PEAK1: variants seen among roughly 807,000 people sequenced by gnomAD.
PEAK1 encodes the protein inactive tyrosine-protein kinase PEAK1.
Under a neutral mutation model 124.7 loss-of-function variants are expected in PEAK1, and 54 were observed. The ratio of observed to expected loss-of-function variants is 0.43; its 90% CI spans 0.35 to 0.54. The LOEUF (loss-of-function observed/expected upper bound fraction) is 0.54. Ranked by LOEUF, PEAK1 falls within the 20% of genes least tolerant of loss-of-function variation. The pLI is 0.01. For synonymous variants in PEAK1, 719 were observed against 760.0 expected (o/e 0.95, Z 0.89); for missense variants, 2,046 against 2,134.5 (o/e 0.96, Z 0.82).
chr15:77,400,943 T>C (rs1192737928), intron 1 of PEAK1, among the ~76,000 whole-genome samples: 2 of 152,204 alleles, frequency 1.3e-5, no homozygotes, highest in Non-Finnish European at 2.9e-5. Flanking sequence ...ATGAGATAAA[T>C]AATCAAGATT....
chr15:77,389,992 C>T (rs1275336444), intron 1 of PEAK1, among the ~76,000 whole-genome samples: 1 of 152,172 alleles, frequency 6.6e-6, no homozygotes, highest in Admixed American at 6.5e-5. Flanking sequence ...TTACATGCCA[C>T]GTACTATGTT....
intron 2 of PEAK1, among the ~76,000 whole-genome samples, chr15:77,289,238 A>C (rs1252634042): frequency 6.6e-6 from 1 of 152,206 alleles, no homozygotes; most frequent in Non-Finnish European, 1.5e-5. Flanking sequence ...TATAGGTTTA[A>C]GAAGGTATCC....
At chr15:77,385,840 G>A (rs1205423859) in intron 1 of PEAK1, among the ~76,000 whole-genome samples, 1 of 152,170 alleles carries the variant, frequency 6.6e-6, no homozygotes, top group Non-Finnish European at 1.5e-5. Flanking sequence ...CTAGTTAAAA[G>A]CATTGGGAAT....
chr15:77,175,034 A>G (rs1027925622), intron 7 of PEAK1, among the ~76,000 whole-genome samples: 5 of 151,484 alleles, frequency 3.3e-5, no homozygotes, highest in African/African-American at 1.2e-4. Context: ...GGTGCTGGGA[A>G]AACTGGCTAG....
chr15:77,114,872 G>C lies in PEAK1; in HGVS notation c.4525C>G (p.Pro1509Ala), dbSNP rs775706060. ...AGATCGCAGTGAGTGACATGGTAGG[G>C]TTTGAGGTGCTCAAGACCAGAGCAT... ...QLCSGLEHLK[P>A]YHVTHCDLRL... is the part of the protein sequence containing the mutation. The change falls in exon 10 of 10, where the codon CCC becomes GCC. Residue 1509 changes from proline (P) to alanine (A), a missense_variant. By Grantham distance (27) the Pro-to-Ala change is conservative. Coordinates refer to ENST00000682557, the MANE Select transcript of PEAK1 (RefSeq NM_001385026.1). The C allele has an allele frequency of 1.2e-6, 2 of 1,613,760 alleles. No individual in the cohort carries two copies. Among genetic ancestry groups the C allele is most frequent in the Admixed American group, 1.7e-5 (1 of 60,014 alleles).
chr15:77,370,477 C>T (rs1162229454), intron 1 of PEAK1, among the ~76,000 whole-genome samples: 5 of 152,136 alleles, frequency 3.3e-5, no homozygotes, highest in African/African-American at 4.8e-5. Context: ...GAAAAAGGGA[C>T]GTTCCAGGCA....
chr15:77,350,106 T>C (rs2067117188), intron 2 of PEAK1: 4 of 985,258 alleles, frequency 4.1e-6, no homozygotes, highest in South Asian at 4.7e-5. Flanking sequence ...TACCCCCAAA[T>C]AGGTCTCTGT....
At chr15:77,368,614 A>C (rs1347639496) in intron 1 of PEAK1, among the ~76,000 whole-genome samples, 1 of 152,218 alleles carries the variant, frequency 6.6e-6, no homozygotes, top group Non-Finnish European at 1.5e-5. Context: ...AAACATAGAA[A>C]GCAATAAGTA....
chr15:77,184,205 A>G (rs760592483), intron 6 of PEAK1, among the ~76,000 whole-genome samples: 5 of 151,864 alleles, frequency 3.3e-5, no homozygotes, highest in Non-Finnish European at 5.9e-5. Flanking sequence ...ATTGTAGTAA[A>G]TAAAATTTAT....
chr15:77,178,112 G>A (rs1297322533), intron 7 of PEAK1: 1 of 152,028 alleles, frequency 6.6e-6, no homozygotes, highest in Non-Finnish European at 1.5e-5. Context: ...TAGTTATTAA[G>A]GTATTCAAGA....
intron 2 of PEAK1, chr15:77,346,592 C>T: frequency 3.0e-6 from 3 of 985,306 alleles, no homozygotes; most frequent in Non-Finnish European, 3.6e-6. Context: ...AGGTTTTTCC[C>T]TTCTTCTAAA....
chr15:77,313,421 G>GCAACCTAA (rs1326696085), intron 2 of PEAK1, among the ~76,000 whole-genome samples: 3 of 152,044 alleles, frequency 2.0e-5, no homozygotes, highest in Non-Finnish European at 4.4e-5. Context: ...TCTAGGAAGT[G>GCAACCTAA]CAACCTAACA....
chr15:77,199,897 C>T (rs564422150), intron 6 of PEAK1, among the ~76,000 whole-genome samples: 11 of 152,308 alleles, frequency 7.2e-5, no homozygotes, highest in African/African-American at 2.6e-4. Context: ...CTATTGACTT[C>T]TTTTACAACA....
At chr15:77,226,012 A>G (rs1406856753) in intron 6 of PEAK1, among the ~76,000 whole-genome samples, 1 of 123,940 alleles carries the variant, frequency 8.1e-6, no homozygotes, top group Non-Finnish European at 1.7e-5. Flanking sequence ...TTTCTTTTTA[A>G]TTCTGTCAGT....
intron 6 of PEAK1, among the ~76,000 whole-genome samples, chr15:77,223,886 A>AC (rs758306435): frequency 8.2e-6 from 1 of 121,608 alleles, no homozygotes; most frequent in Non-Finnish European, 1.7e-5. Context: ...CATTTGAGAG[A>AC]TTTTTTTTTT....
intron 7 of PEAK1, among the ~76,000 whole-genome samples, chr15:77,164,926 G>A (rs1441267733): frequency 4.0e-5 from 6 of 150,326 alleles, no homozygotes; most frequent in Admixed American, 6.6e-5. Flanking sequence ...TTTTTGAGAC[G>A]GAGTCTCGCT....
rs2051207776 is a variant in PEAK1, at chr15:77,114,794, C to G, written c.4603G>C (p.Gly1535Arg). The G allele has an allele frequency of 6.2e-7, 1 of 1,613,074 alleles. No homozygotes were observed. The highest frequency in any genetic ancestry group is 1.1e-5 in the South Asian group (1 of 91,064). Residue 1535 changes from glycine (G) to arginine (R), a missense_variant, in exon 10 of 10, where the codon GGC becomes CGC. Transcript: ENST00000682557. ...GGGCTGGGCTCTGCAGGCCCAAAGC[C>G]TTGGGCAGTCCCCCCAGGCTGGTAG... ...VHYQPGGTAQ[G>R]FGPAEPSPTS...
intron 6 of PEAK1, among the ~76,000 whole-genome samples, chr15:77,209,128 T>C (rs1365148547): frequency 2.6e-5 from 4 of 152,130 alleles, no homozygotes; most frequent in East Asian, 1.9e-4. Flanking sequence ...ACAAAGAAAA[T>C]TGAAACCAGA....
In PEAK1 at chr15:77,223,519, T is replaced by TTG. The variant is rs560622869; in HGVS notation, c.-115+28846_-115+28847dup. Among the ~76,000 whole-genome samples the TTG allele has an allele frequency of 4.3e-4, 66 of 152,122 alleles. 1 individual carries two copies. In the East Asian group the frequency reaches 0.011, roughly 25 times the overall value. Reference sequence around the variant, plus strand: ...CTGGATATTACCCCACAAAACACATTTGTGTGTGTGTCGACAGTAGTCTCT... The same window carrying TTG: ...CTGGATATTACCCCACAAAACACATTTGTGTGTGTGTGTCGACAGTAGTCTCT... On this transcript the variant is annotated intron_variant, in intron 6 of 9. Coordinates refer to ENST00000682557, the MANE Select transcript of PEAK1 (RefSeq NM_001385026.1).
Sources: allele counts gnomAD v4.1 joint callset (sites outside exome capture counted in the v4.1 genomes callset), GRCh38; gene constraint gnomAD v4.1.1; transcripts MANE v1.5; gene names NCBI Gene and HGNC (gene_info 2026-07-23, HGNC 2026-07-21).